RAB26: variants seen among roughly 807,000 people sequenced by gnomAD.
The protein encoded by RAB26 is RAB26, member RAS oncogene family, also known as ras-related protein Rab-26.
RAB26 carries 39 observed loss-of-function variants against 33.1 expected under a neutral mutation model. The observed-to-expected ratio is 1.18, with a 90% CI of 0.91 to 1.54. RAB26 has a LOEUF of 1.54. RAB26 is among the 40% of genes most tolerant of loss of function. RAB26 has a pLI of 0.00. For synonymous variants in RAB26, 192 were observed against 151.9 expected (o/e 1.26, Z -1.94); for missense variants, 468 against 362.9 (o/e 1.29, Z -2.35).
At chr16:2,153,106 C>A (rs773311791) in intron 7 of RAB26, 40 bp from the exon 8 acceptor site, 1 of 1,613,002 alleles carries the variant, frequency 6.2e-7, no homozygotes, top group South Asian at 1.1e-5. Flanking sequence ...CTAGGCTGTC[C>A]CCGCCAGGCC....
Position 2,153,390 on chromosome 16 carries a change from A to T in RAB26, c.740A>T (p.Glu247Val). Residue 247 changes from glutamate to valine, a missense_variant, in exon 9 of 9, where the codon GAG (glutamate) becomes GTG (valine). By Grantham distance (121) the Glu-to-Val change is moderately radical. Transcript: ENST00000210187. Reference sequence around the variant, plus strand: ...CGGCTGCATGATTACGTTAAGAGGGAGGGTCGAGGGGCCTCCTGCTGCCGC... The same window carrying T: ...CGGCTGCATGATTACGTTAAGAGGGTGGGTCGAGGGGCCTCCTGCTGCCGC... Reference protein sequence around the residue: ...RFRLHDYVKREGRGASCCRP With the variant: ...RFRLHDYVKRVGRGASCCRP 2 of 1,613,392 alleles carry T rather than the reference A, an allele frequency of 1.2e-6. No homozygotes were observed. The highest frequency in any genetic ancestry group is 8.5e-7 in the Non-Finnish European group (1 of 1,179,996).
chr16:2,149,742 G>A (rs2092998546), intron 1 of RAB26, among the ~76,000 whole-genome samples, 199 bp from the exon 2 acceptor site: 1 of 152,164 alleles, frequency 6.6e-6, no homozygotes, highest in Non-Finnish European at 1.5e-5. Context: ...TGACTGAGAC[G>A]GCCACTGTGC....
At chr16:2,151,243 C>T (rs2093003943) in intron 2 of RAB26, 2 of 538,280 alleles carry the variant, frequency 3.7e-6, no homozygotes, top group Non-Finnish European at 7.0e-6. Context: ...AAAAGAGCTA[C>T]TGGGAAGGCT....
At chr16:2,153,283 A>G (rs751303619) in intron 8 of RAB26, 36 bp from the exon 9 acceptor site, 1 of 1,613,360 alleles carries the variant, frequency 6.2e-7, no homozygotes, top group African/African-American at 1.3e-5. Context: ...ATTAGAGTCC[A>G]GGCCATCGTG....
intron 2 of RAB26, 29 bp from the exon 3 acceptor site, chr16:2,151,540 C>G (rs750502174): frequency 1.9e-6 from 3 of 1,613,022 alleles, no homozygotes; most frequent in Admixed American, 1.7e-5. Context: ...TGGGCCCATG[C>G]CAGAGCTGCC....
In RAB26 at chr16:2,153,565, T is replaced by C. The variant is rs2093014441; in HGVS notation, c.*144T>C. The C allele has an allele frequency of 2.7e-6, 2 of 738,370 alleles. No homozygotes were observed. Among genetic ancestry groups the C allele is most frequent in the Non-Finnish European group, 4.5e-6 (2 of 443,222 alleles). The allele number at this position is 738,370 out of a possible 1,614,324, so 45.7% of individuals were successfully genotyped here. ...GGAGCCCCAGGTCAAGCCTTGTCCC[T>C]TCCTCCTCCCAGCAACAGTCCCAAC... On this transcript the variant is annotated 3_prime_UTR_variant, in exon 9 of 9. Transcript: ENST00000210187.
intron 2 of RAB26, 142 bp downstream of exon 2, chr16:2,150,193 G>A (rs1257211772): frequency 1.5e-6 from 1 of 682,860 alleles, no homozygotes; most frequent in Non-Finnish European, 2.4e-6. Context: ...CACCTGGGCT[G>A]GTGGCTGCAC....
intron 5 of RAB26, among the ~76,000 whole-genome samples, chr16:2,152,286 T>C (rs553354870): frequency 6.6e-6 from 1 of 152,214 alleles, no homozygotes; most frequent in Non-Finnish European, 1.5e-5. Context: ...GGCACACACC[T>C]GTAATCCCAG....
intron 5 of RAB26, 68 bp from the exon 6 acceptor site, chr16:2,152,752 G>C: frequency 7.0e-7 from 1 of 1,426,782 alleles, no homozygotes; most frequent in Non-Finnish European, 9.5e-7. Flanking sequence ...GTGACCTGGA[G>C]GGCCAAAGTT....
At position 2,150,623 on chromosome 16, in the gene RAB26, T is replaced by TCTGGGGAGCTGTTCTCTACCCCGC. The variant is rs1383612017; in HGVS notation, c.306+578_306+579insAGCTGTTCTCTACCCCGCCTGGGG. ...GGACAGGAAAAGGGGCTCCCTCCAG[T>TCTGGGGAGCTGTTCTCTACCCCGC]CTGGGGGTTCCAAGTCCCCTCAAGT... On this transcript the variant is annotated intron_variant, in intron 2 of 8. Coordinates refer to ENST00000210187, the MANE Select transcript of RAB26 (RefSeq NM_014353.5). 2.6e-5 allele frequency among the ~76,000 whole-genome samples: 4 copies of TCTGGGGAGCTGTTCTCTACCCCGC among 152,220 alleles called. No homozygotes were observed. In the East Asian group the frequency reaches 5.8e-4, roughly 22 times the overall value.
rs1005494859 is a variant in RAB26 at position 2,153,164 on chromosome 16, A to C, written c.610A>C (p.Met204Leu). 2 of 1,613,686 alleles carry C rather than the reference A, an allele frequency of 1.2e-6. No individual in the cohort carries two copies. The highest frequency in any genetic ancestry group is 3.3e-5 in the Admixed American group (2 of 60,006). ...TTTACAGGAGTATGGACTGCCCTTC[A>C]TGGAGACCAGCGCCAAGACGGGCCT... The part of the protein sequence containing the change: ...KLAKEYGLPF[M>L]ETSAKTGLNV... The change falls in exon 8 of 9, where the codon ATG becomes CTG. Residue 204 changes from methionine to leucine, a missense_variant. Transcript: ENST00000210187.
intron 5 of RAB26, among the ~76,000 whole-genome samples, chr16:2,152,186 G>A (rs1206875403): frequency 6.6e-6 from 1 of 152,234 alleles, no homozygotes; most frequent in Non-Finnish European, 1.5e-5. Context: ...AGGCATGGCG[G>A]CTCACCTGAG....
chr16:2,151,963 A>G (rs2093006576), intron 5 of RAB26, 55 bp downstream of exon 5: 2 of 1,601,008 alleles, frequency 1.2e-6, no homozygotes, highest in African/African-American at 2.7e-5. Context: ...GACCCATCCC[A>G]ACCTCCTTCT....
rs2093017355 is a variant in RAB26, at chr16:2,154,059, G to A, written c.*638G>A. The A allele has an allele frequency of 2.9e-6, 1 of 343,860 alleles. No individual in the cohort carries two copies. Among genetic ancestry groups the A allele is most frequent in the Non-Finnish European group, 5.8e-6 (1 of 172,818 alleles). 21.3% of individuals were successfully genotyped at this position (343,860 alleles called of 1,614,324 possible). A position where few individuals can be genotyped will look rare whatever the true frequency, so the allele number is the denominator to read the frequency against. On this transcript the variant is annotated 3_prime_UTR_variant, in exon 9 of 9. Transcript: ENST00000210187. ...GGTGAGGTCTGTGATTTCCGAGCAC[G>A]CTCCACCTTGCACTCAACTTGGCCT... is the stretch of plus-strand genomic sequence containing the variant.
intron 2 of RAB26, among the ~76,000 whole-genome samples, chr16:2,150,625 T>G (rs1384992822): frequency 6.6e-6 from 1 of 152,194 alleles, no homozygotes; most frequent in African/African-American, 2.4e-5. Flanking sequence ...CCCTCCAGTC[T>G]GGGGGTTCCA....
At chr16:2,153,256 C>G (rs2093012670) in intron 8 of RAB26, 34 bp downstream of exon 8, 1 of 1,613,406 alleles carries the variant, frequency 6.2e-7, no homozygotes. Context: ...CTCCCCCAGC[C>G]CAGGGCCTGA....
At position 2,148,882 on chromosome 16, in the gene RAB26, T is replaced by TGCGCTTTCCGGCCCC; in HGVS notation, c.101_115dup (p.Ala34_Pro38dup). On this transcript the variant is annotated inframe_insertion, in exon 1 of 9. Transcript: ENST00000210187. ...GGGCCCGACCGGCGCGCTCCGGGACTGCGCTTTCCGGCCCCGACGCGCCGC... is the reference window on the plus strand; with the variant it reads ...GGGCCCGACCGGCGCGCTCCGGGACTGCGCTTTCCGGCCCCGCGCTTTCCGGCCCCGACGCGCCGC... The TGCGCTTTCCGGCCCC allele has an allele frequency of 7.3e-7, 1 of 1,368,372 alleles. No homozygotes were observed. The highest frequency in any genetic ancestry group is 9.5e-7 in the Non-Finnish European group (1 of 1,057,824). The allele number at this position is 1,368,372 out of a possible 1,614,324, so 84.8% of individuals were successfully genotyped here. A position where few individuals can be genotyped will look rare whatever the true frequency, so the allele number is the denominator to read the frequency against.
At chr16:2,149,557 G>A (rs1219114741) in intron 1 of RAB26, among the ~76,000 whole-genome samples, 2 of 152,018 alleles carry the variant, frequency 1.3e-5, no homozygotes, top group Non-Finnish European at 2.9e-5. Flanking sequence ...CTCGAGCCTT[G>A]CTGGGGTCAT....
chr16:2,150,050 G>A lies in RAB26; in HGVS notation c.305G>A (p.Arg102Gln), dbSNP rs192614085. The A allele has an allele frequency of 8.6e-5, 133 of 1,541,048 alleles. No homozygotes were observed. The highest frequency in any genetic ancestry group is 3.4e-4 in the Middle Eastern group (2 of 5,964). Residue 102 changes from arginine (R) to glutamine (Q), a missense_variant and splice_region_variant, in exon 2 of 9, where the codon CGG (arginine) becomes CAG (glutamine). Transcript: ENST00000210187. ...ATCTCCACCGTAGGCATTGACTTCC[G>A]GGTGAGTGGAGGCCCTGGCCTGGCC... ...TFISTVGIDF[R>Q]NKVLDVDGVK... is the part of the protein sequence containing the mutation.
Sources: gnomAD v4.1 joint callset for allele counts (sites outside exome capture counted in the v4.1 genomes callset) on GRCh38, gnomAD v4.1.1 for gene constraint, MANE v1.5 for transcripts, NCBI Gene and HGNC (gene_info 2026-07-23, HGNC 2026-07-21) for gene names.